Variants in OPCML observed in about 807,000 individuals in gnomAD.
The protein encoded by OPCML is opioid-binding protein/cell adhesion molecule.
Under a neutral mutation model 37.8 loss-of-function variants are expected in OPCML, and 13 were observed. That is an observed-to-expected ratio of 0.34 (90% CI 0.22 to 0.55). The LOEUF (loss-of-function observed/expected upper bound fraction) is 0.55, where lower values mean the gene tolerates loss of function less well. OPCML is among the 20% of genes least tolerant of loss of function. OPCML has a pLI of 0.91. For synonymous variants in OPCML, 176 were observed against 168.8 expected, an observed-to-expected ratio of 1.04 and a Z score of -0.33; for missense variants, 341 against 435.6, an observed-to-expected ratio of 0.78 and a Z score of 1.93.
At chr11:133,369,373 C>G (rs1309882570) in intron 1 of OPCML, among the ~76,000 whole-genome samples, 2 of 152,142 alleles carry the variant, frequency 1.3e-5, no homozygotes, top group Non-Finnish European at 1.5e-5. Context: ...CATCCTCAAA[C>G]TTGACAATGT....
chr11:133,010,914 T>G (rs558061446), intron 1 of OPCML, among the ~76,000 whole-genome samples: 5 of 152,340 alleles, frequency 3.3e-5, no homozygotes, highest in African/African-American at 1.2e-4. Context: ...GGGAATTTAT[T>G]TGTGTGTAAG....
At chr11:132,692,986 C>A (rs1943462958) in intron 2 of OPCML, among the ~76,000 whole-genome samples, 1 of 152,162 alleles carries the variant, frequency 6.6e-6, no homozygotes, top group Non-Finnish European at 1.5e-5. Context: ...TAGTACAATG[C>A]ACAGTATTTG....
At chr11:132,689,491 T>G (rs567744258) in intron 2 of OPCML, among the ~76,000 whole-genome samples, 1 of 152,294 alleles carries the variant, frequency 6.6e-6, no homozygotes, top group South Asian at 2.1e-4. Context: ...AAAAGAAAAA[T>G]GCCTGCAACC....
chr11:133,134,687 C>T (rs116873541), intron 1 of OPCML, among the ~76,000 whole-genome samples: 1 of 152,132 alleles, frequency 6.6e-6, no homozygotes, highest in Non-Finnish European at 1.5e-5. Flanking sequence ...GGAACTCTTG[C>T]GTGAACCCTG....
chr11:132,590,588 C>T (rs1050315306), intron 3 of OPCML, among the ~76,000 whole-genome samples: 1 of 152,166 alleles, frequency 6.6e-6, no homozygotes, highest in African/African-American at 2.4e-5. Context: ...AGGTAAAATT[C>T]ACGTTTTACA....
chr11:132,972,972 G>A (rs1448568287), intron 1 of OPCML, among the ~76,000 whole-genome samples: 1 of 152,122 alleles, frequency 6.6e-6, no homozygotes, highest in Non-Finnish European at 1.5e-5. Flanking sequence ...GTGTACACAG[G>A]TCTGAGAAGA....
chr11:133,286,307 T>C (rs1401148043), intron 1 of OPCML, among the ~76,000 whole-genome samples: 1 of 150,716 alleles, frequency 6.6e-6, no homozygotes, highest in Non-Finnish European at 1.5e-5. Context: ...AATAAATAAA[T>C]AAATAAAAAT....
chr11:132,439,927 G>T (rs2136764777), intron 4 of OPCML, among the ~76,000 whole-genome samples: 1 of 152,294 alleles, frequency 6.6e-6, no homozygotes, highest in South Asian at 2.1e-4. Flanking sequence ...CCCAGATCAT[G>T]CTGCTTGGTG....
intron 1 of OPCML, among the ~76,000 whole-genome samples, chr11:133,243,091 C>G (rs1020656187): frequency 6.6e-6 from 1 of 152,128 alleles, no homozygotes; most frequent in Non-Finnish European, 1.5e-5. Context: ...TTTCTTCAAG[C>G]CTGGAGAGAC....
chr11:133,030,848 C>A (rs1338855620), intron 1 of OPCML, among the ~76,000 whole-genome samples: 6 of 152,078 alleles, frequency 3.9e-5, no homozygotes, highest in Admixed American at 1.3e-4. Flanking sequence ...GGAATCCAAG[C>A]ATTCCATCGT....
At chr11:132,444,215 C>T (rs1352680209) in intron 4 of OPCML, among the ~76,000 whole-genome samples, 1 of 152,172 alleles carries the variant, frequency 6.6e-6, no homozygotes, top group African/African-American at 2.4e-5. Flanking sequence ...CCCAAGCAAC[C>T]ACTTCACCAT....
In OPCML at chr11:133,294,817, T is replaced by G. The variant is rs1394022849; in HGVS notation, c.61+237447A>C. Among the ~76,000 whole-genome samples the G allele has an allele frequency of 2.9e-3, 330 of 111,918 alleles. 4 individuals carry two copies. Among genetic ancestry groups the G allele is most frequent in the Admixed American group, 0.023 (250 of 10,986 alleles). The allele number at this position is 111,918 out of a possible 152,430, so 73.4% of individuals were successfully genotyped here. A position where few individuals can be genotyped will look rare whatever the true frequency, so the allele number is the denominator to read the frequency against. ...TTTTTTTCTTTCTTTCTTTCTTTCT[T>G]TTTTTTTTTTTTTTTTTTTTTTTGA... On this transcript the variant is annotated intron_variant, in intron 1 of 7. Coordinates refer to ENST00000524381, the MANE Select transcript of OPCML (RefSeq NM_001012393.5).
chr11:133,030,531 C>T (rs1480910675), intron 1 of OPCML, among the ~76,000 whole-genome samples: 1 of 152,130 alleles, frequency 6.6e-6, no homozygotes, highest in Non-Finnish European at 1.5e-5. Context: ...ACAGAATCAT[C>T]ATGAGCCTTC....
At chr11:133,374,918 T>C (rs7948680) in intron 1 of OPCML, among the ~76,000 whole-genome samples, 37,441 of 151,886 alleles carry the variant, frequency 0.25, 6,628 homozygotes, top group African/African-American at 0.51. Context: ...AGGCGTCACT[T>C]TATGTGTAAG....
chr11:133,042,258 A>G (rs2136948216), intron 1 of OPCML, among the ~76,000 whole-genome samples: 1 of 152,318 alleles, frequency 6.6e-6, no homozygotes, highest in African/African-American at 2.4e-5. Context: ...CCTTCCCAGA[A>G]TTAATTAGAA....
intron 1 of OPCML, among the ~76,000 whole-genome samples, chr11:133,124,991 T>C (rs1278283667): frequency 1.3e-5 from 2 of 152,296 alleles, no homozygotes; most frequent in Admixed American, 1.3e-4. Context: ...AAACCCCATA[T>C]GGGTTGGGAA....
At chr11:132,477,399 C>G (rs2096160511) in intron 4 of OPCML, among the ~76,000 whole-genome samples, 1 of 152,148 alleles carries the variant, frequency 6.6e-6, no homozygotes, top group African/African-American at 2.4e-5. Flanking sequence ...GGTAGTAGCA[C>G]ACTGGGGATG....
intron 2 of OPCML, among the ~76,000 whole-genome samples, chr11:132,701,060 T>C (rs1943793492): frequency 6.6e-6 from 1 of 152,200 alleles, no homozygotes; most frequent in Admixed American, 6.5e-5. Flanking sequence ...TATTAGTCTG[T>C]TCTCACACTG....
At chr11:133,194,205 CT>C (rs34797390) in intron 1 of OPCML, among the ~76,000 whole-genome samples, 14,189 of 106,556 alleles carry the variant, frequency 0.13, 544 homozygotes, top group African/African-American at 0.21. Flanking sequence ...CCTTCCCCCA[CT>C]TTTTTTTTTT....
Sources: allele counts gnomAD v4.1 joint callset (sites outside exome capture counted in the v4.1 genomes callset), GRCh38; gene constraint gnomAD v4.1.1; transcripts MANE v1.5; gene names NCBI Gene and HGNC (gene_info 2026-07-23, HGNC 2026-07-21).